MRRF: variants seen among roughly 807,000 people sequenced by gnomAD.
MRRF encodes the protein ribosome-recycling factor, mitochondrial.
MRRF carries 18 observed loss-of-function variants against 25.1 expected under a neutral mutation model. That is an observed-to-expected ratio of 0.72 (90% CI 0.50 to 1.06). The LOEUF is 1.06. Among genes scored for constraint, MRRF ranks in the 50% least tolerant of loss-of-function variants. MRRF has a pLI of 0.00. For synonymous variants in MRRF, 113 were observed against 112.1 expected (o/e 1.01, Z -0.05); for missense variants, 323 against 319.3 (o/e 1.01, Z -0.09).
At chr9:122,289,791 G>A (rs1833640968) in intron 4 of MRRF, among the ~76,000 whole-genome samples, 1 of 152,082 alleles carries the variant, frequency 6.6e-6, no homozygotes, top group Non-Finnish European at 1.5e-5. Context: ...ACTCTGGGAG[G>A]CTGAGGTGGG....
intron 1 of MRRF, among the ~76,000 whole-genome samples, chr9:122,269,608 T>C (rs1461236952): frequency 6.6e-6 from 1 of 152,136 alleles, no homozygotes; most frequent in Non-Finnish European, 1.5e-5. Context: ...GTGCCTGTAA[T>C]CCCAGCTACT....
At chr9:122,308,749 C>CTAAAG (rs1318037457) in intron 5 of MRRF, among the ~76,000 whole-genome samples, 1 of 150,328 alleles carries the variant, frequency 6.7e-6, no homozygotes, top group African/African-American at 2.4e-5. Flanking sequence ...CTCATCCAGG[C>CTAAAG]TAAAGTACAG....
chr9:122,298,469 C>A (rs1370845235), intron 5 of MRRF, among the ~76,000 whole-genome samples: 1 of 152,166 alleles, frequency 6.6e-6, no homozygotes, highest in Non-Finnish European at 1.5e-5. Context: ...ATATGTGTCC[C>A]TGTGACTACT....
chr9:122,283,269 A>G (rs1833190629), intron 3 of MRRF, among the ~76,000 whole-genome samples: 1 of 151,734 alleles, frequency 6.6e-6, no homozygotes, highest in African/African-American at 2.4e-5. Context: ...AATTTTTTGT[A>G]TTTTTAGTAG....
intron 5 of MRRF, among the ~76,000 whole-genome samples, chr9:122,310,555 C>T (rs914666651): frequency 6.6e-6 from 1 of 152,208 alleles, no homozygotes; most frequent in Non-Finnish European, 1.5e-5. Context: ...GTTGTGTTTT[C>T]TGTATGCTCC....
chr9:122,327,430 C>G lies in MRRF; in HGVS notation c.*4813C>G, dbSNP rs2119046493. 6.6e-6 allele frequency: 1 copy of G among 152,300 alleles called. No individual in the cohort carries two copies. The highest frequency in any genetic ancestry group is 2.1e-4 in the South Asian group (1 of 4,818). 9.4% of individuals were successfully genotyped at this position (152,300 alleles called of 1,614,324 possible). A position where few individuals can be genotyped will look rare whatever the true frequency, so the allele number is the denominator to read the frequency against. Reference sequence around the variant, plus strand: ...TGTATCCTCAAAAGCCACTTTGAGGCTTTCTTTTGCCCTAATAGACGGTCA... The same window carrying G: ...TGTATCCTCAAAAGCCACTTTGAGGGTTTCTTTTGCCCTAATAGACGGTCA... On this transcript the variant is annotated 3_prime_UTR_variant, in exon 7 of 7. Transcript: ENST00000344641.
intron 5 of MRRF, among the ~76,000 whole-genome samples, chr9:122,307,398 G>C (rs1834918500): frequency 6.6e-6 from 1 of 152,176 alleles, no homozygotes; most frequent in South Asian, 2.1e-4. Flanking sequence ...ATTGCCTTCT[G>C]CTCTCCTCTG....
chr9:122,303,273 CTAAA>C (rs146796861), intron 5 of MRRF, among the ~76,000 whole-genome samples: 2,981 of 149,370 alleles, frequency 0.02, 95 homozygotes, highest in African/African-American at 0.064. Context: ...ATATGCAAAC[CTAAA>C]TAAATATATT....
chr9:122,268,322 T>C (rs1459544595), intron 1 of MRRF, among the ~76,000 whole-genome samples: 3 of 152,224 alleles, frequency 2.0e-5, no homozygotes, highest in Admixed American at 6.5e-5. Flanking sequence ...TTCCTGTTGC[T>C]TTGTGAGTTG....
intron 5 of MRRF, among the ~76,000 whole-genome samples, chr9:122,302,677 C>T (rs139038413): frequency 5.3e-5 from 8 of 152,190 alleles, no homozygotes; most frequent in Admixed American, 3.9e-4. Flanking sequence ...CATTATTGTG[C>T]AAGTTTTTTG....
At chr9:122,292,898 A>T (rs1833868604) in intron 5 of MRRF, among the ~76,000 whole-genome samples, 1 of 152,200 alleles carries the variant, frequency 6.6e-6, no homozygotes, top group Non-Finnish European at 1.5e-5. Context: ...CAAGGCCCAA[A>T]TAAGTGTTGA....
intron 5 of MRRF, among the ~76,000 whole-genome samples, chr9:122,298,377 T>G (rs114405342): frequency 1.5e-3 from 224 of 152,340 alleles, no homozygotes; most frequent in African/African-American, 5.2e-3. Flanking sequence ...TTATTTATTT[T>G]TACTCAACTT....
rs141011666 is a variant in MRRF at position 122,319,999 on chromosome 9, T to C, written c.712-2541T>C. On this transcript the variant is annotated intron_variant, in intron 6 of 6. Transcript: ENST00000344641. ...AAGCTATCCTCCCATCTCAGCTTCCTGAGTAGCCGGGACTACAGGCGTGTG... is the reference window on the plus strand; with the variant it reads ...AAGCTATCCTCCCATCTCAGCTTCCCGAGTAGCCGGGACTACAGGCGTGTG... Among the ~76,000 whole-genome samples the C allele has an allele frequency of 6.2e-3, 934 of 151,610 alleles. 5 individuals carry two copies. Among genetic ancestry groups the C allele is most frequent in the African/African-American group, 0.021 (881 of 41,262 alleles).
chr9:122,277,737 A>G (rs1832863688), intron 2 of MRRF, among the ~76,000 whole-genome samples: 3 of 152,044 alleles, frequency 2.0e-5, no homozygotes, highest in Non-Finnish European at 4.4e-5. Context: ...TTTTTAGTAG[A>G]GATGGTGTTT....
chr9:122,270,862 A>G lies in MRRF; in HGVS notation c.-28-2A>G, dbSNP rs753428614. 2.5e-6 allele frequency: 4 copies of G among 1,610,998 alleles called. No individual in the cohort carries two copies. In the East Asian group the frequency reaches 8.9e-5, roughly 36 times the overall value. On this transcript the variant is annotated splice_acceptor_variant, in intron 1 of 6. Transcript: ENST00000344641. LOFTEE classifies it low-confidence loss of function (5UTR_SPLICE). ...ATCTGCTTTTTGTCTTATTCTTTTT[A>G]GTGGATGTTTCCAAGGATTGTCTTC...
chr9:122,298,063 G>T (rs1309477879), intron 5 of MRRF, among the ~76,000 whole-genome samples: 2 of 152,146 alleles, frequency 1.3e-5, no homozygotes, highest in Non-Finnish European at 2.9e-5. Flanking sequence ...GAGTTGTTAG[G>T]TAACTTGCTT....
At chr9:122,273,190 G>A (rs1717943740) in intron 2 of MRRF, among the ~76,000 whole-genome samples, 2 of 152,100 alleles carry the variant, frequency 1.3e-5, no homozygotes, top group Admixed American at 6.5e-5. Context: ...GGTGGCCCAC[G>A]CCTATAATCC....
At chr9:122,265,580 T>C (rs748919313) in intron 1 of MRRF, 20 of 383,964 alleles carry the variant, frequency 5.2e-5, no homozygotes, top group Non-Finnish European at 7.1e-5. Flanking sequence ...AACCACACTG[T>C]TGCATTTCCC....
At chr9:122,267,380 CAAAAAAAAAA>C (rs892711250) in intron 1 of MRRF, among the ~76,000 whole-genome samples, 66 of 71,412 alleles carry the variant, frequency 9.2e-4, no homozygotes, top group Non-Finnish European at 1.3e-3. Flanking sequence ...GACTCTGTCT[CAAAAAAAAAA>C]AAAAAAAAAT....
Sources: allele counts gnomAD v4.1 joint callset (sites outside exome capture counted in the v4.1 genomes callset), GRCh38; gene constraint gnomAD v4.1.1; transcripts MANE v1.5; gene names NCBI Gene and HGNC (gene_info 2026-07-23, HGNC 2026-07-21).